The following PAK5 variants were observed in gnomAD, a reference collection of about 807,000 sequenced individuals.
PAK5 encodes serine/threonine-protein kinase PAK 5.
In PAK5, 16 loss-of-function variants were observed where a neutral mutation model predicts 65.9. The observed-to-expected ratio is 0.24, with a 90% CI of 0.16 to 0.37. PAK5 has a LOEUF of 0.37. PAK5 is among the 10% of genes least tolerant of loss of function. PAK5 has a pLI of 1.00. For missense variants in PAK5, 785 were observed against 903.9 expected (o/e 0.87, Z 1.69); for synonymous variants, 371 against 354.9 (o/e 1.05, Z -0.51).
intron 1 of PAK5, among the ~76,000 whole-genome samples, chr20:9,834,972 A>G (rs2123794686): frequency 6.6e-6 from 1 of 152,334 alleles, no homozygotes; most frequent in South Asian, 2.1e-4. Context: ...TTGCCAAAAA[A>G]ATATTTTGAC....
At chr20:9,615,900 G>GCAT (rs1371785652) in intron 3 of PAK5, among the ~76,000 whole-genome samples, 2 of 152,204 alleles carry the variant, frequency 1.3e-5, no homozygotes, top group Non-Finnish European at 2.9e-5. Context: ...GGCCTCTCCA[G>GCAT]CATGGAGTTT....
chr20:9,730,262 T>C (rs1380095654), intron 1 of PAK5, among the ~76,000 whole-genome samples: 1 of 152,018 alleles, frequency 6.6e-6, no homozygotes, highest in Non-Finnish European at 1.5e-5. Context: ...TAACATTTTA[T>C]ATCTCTAACA....
At chr20:9,818,694 C>A (rs529237733) in intron 1 of PAK5, 2 of 152,066 alleles carry the variant, frequency 1.3e-5, no homozygotes, top group East Asian at 3.9e-4. Flanking sequence ...TAATATTCCA[C>A]GGAAAACACT....
At chr20:9,721,413 C>T (rs925109174) in intron 1 of PAK5, among the ~76,000 whole-genome samples, 13 of 151,888 alleles carry the variant, frequency 8.6e-5, no homozygotes, top group African/African-American at 2.9e-4. Flanking sequence ...TTTGGTAGGC[C>T]GAGGTGGGCG....
At chr20:9,559,786 G>T (rs1031035338) in intron 6 of PAK5, among the ~76,000 whole-genome samples, 1 of 152,002 alleles carries the variant, frequency 6.6e-6, no homozygotes, top group Non-Finnish European at 1.5e-5. Context: ...AGCAAAAGAG[G>T]ATTCCACAGC....
chr20:9,766,388 GTATA>G lies in PAK5; in HGVS notation c.-161-54957_-161-54954del, dbSNP rs1171298089. ...ATATATATTCAAGCAGAATATATAT[GTATA>G]TATATATTCAAGCAGAATATATATG... On this transcript the variant is annotated intron_variant, in intron 1 of 9. Coordinates refer to ENST00000353224, the MANE Select transcript of PAK5 (RefSeq NM_177990.4). 3.6e-4 allele frequency among the ~76,000 whole-genome samples: 17 copies of G among 47,310 alleles called. 1 individual carries two copies. Among genetic ancestry groups the G allele is most frequent in the African/African-American group, 1.8e-3 (17 of 9,194 alleles). 31.0% of individuals were successfully genotyped at this position (47,310 alleles called of 152,430 possible).
chr20:9,730,410 T>G lies in PAK5; in HGVS notation c.-161-18975A>C, dbSNP rs1256916960. On this transcript the variant is annotated intron_variant, in intron 1 of 9. Transcript: ENST00000353224. ...CTATACTGCTATGTTTTCAGATAAA[T>G]TTTTAAAAAGTACACTTCTGTGGAA... Among the ~76,000 whole-genome samples the G allele has an allele frequency of 2.0e-5, 3 of 152,202 alleles. No individual in the cohort carries two copies. The East Asian group carries it at 5.8e-4, about 29-fold the overall frequency.
At chr20:9,812,437 C>T (rs1009771116) in intron 1 of PAK5, among the ~76,000 whole-genome samples, 1 of 152,024 alleles carries the variant, frequency 6.6e-6, no homozygotes, top group Non-Finnish European at 1.5e-5. Context: ...TGAGATATCA[C>T]CACTCCTATC....
intron 1 of PAK5, among the ~76,000 whole-genome samples, chr20:9,722,806 G>A (rs374848435): frequency 6.6e-6 from 1 of 150,882 alleles, no homozygotes; most frequent in Non-Finnish European, 1.5e-5. Context: ...GCGCCATCTC[G>A]ACTCATTGCA....
chr20:9,684,752 C>T (rs1330332318), intron 2 of PAK5, among the ~76,000 whole-genome samples: 1 of 152,184 alleles, frequency 6.6e-6, no homozygotes, highest in East Asian at 1.9e-4. Flanking sequence ...TTTTAAGCCT[C>T]TTAATAGCTT....
At chr20:9,566,634 T>G (rs529555554) in intron 4 of PAK5, among the ~76,000 whole-genome samples, 1 of 152,104 alleles carries the variant, frequency 6.6e-6, no homozygotes, top group Non-Finnish European at 1.5e-5. Context: ...CCTATTTTCT[T>G]GTTCAGTAAT....
At chr20:9,721,876 G>C (rs1018239103) in intron 1 of PAK5, among the ~76,000 whole-genome samples, 5 of 152,104 alleles carry the variant, frequency 3.3e-5, no homozygotes, top group Non-Finnish European at 7.4e-5. Context: ...AGAAGCAATA[G>C]ACTTTAATAT....
chr20:9,537,410 T>C lies in PAK5; in HGVS notation c.*2052A>G, dbSNP rs2045188172. 1.0e-5 allele frequency: 2 copies of C among 199,366 alleles called. No homozygotes were observed. The highest frequency in any genetic ancestry group is 1.2e-4 in the Admixed American group (2 of 16,490). The allele number at this position is 199,366 out of a possible 1,614,324, so 12.3% of individuals were successfully genotyped here. A position where few individuals can be genotyped will look rare whatever the true frequency, so the allele number is the denominator to read the frequency against. ...TGGGGAAAAGGCAAACATTTATTTTTATTTGCAAATGCAGTTTCTGCCAAT... is the reference window on the plus strand; with the variant it reads ...TGGGGAAAAGGCAAACATTTATTTTCATTTGCAAATGCAGTTTCTGCCAAT... On this transcript the variant is annotated 3_prime_UTR_variant, in exon 10 of 10. Transcript: ENST00000353224.
chr20:9,700,204 G>T (rs1337712512), intron 2 of PAK5, among the ~76,000 whole-genome samples: 1 of 152,092 alleles, frequency 6.6e-6, no homozygotes, highest in Non-Finnish European at 1.5e-5. Context: ...TTGAGCCCAG[G>T]AGTTTGAGAC....
intron 2 of PAK5, among the ~76,000 whole-genome samples, chr20:9,679,231 A>G (rs2047617107): frequency 6.6e-6 from 1 of 152,212 alleles, no homozygotes; most frequent in Admixed American, 6.5e-5. Flanking sequence ...ACAGTATATA[A>G]TACATACACC....
intron 3 of PAK5, among the ~76,000 whole-genome samples, chr20:9,620,500 G>C (rs893369062): frequency 1.3e-5 from 2 of 152,210 alleles, no homozygotes; most frequent in Non-Finnish European, 2.9e-5. Flanking sequence ...GACCAGCAAG[G>C]CTTGGGTGCT....
At chr20:9,804,450 G>C (rs2049207456) in intron 1 of PAK5, among the ~76,000 whole-genome samples, 1 of 152,104 alleles carries the variant, frequency 6.6e-6, no homozygotes, top group Non-Finnish European at 1.5e-5. Context: ...AAAGGTGCCA[G>C]GACAATACAT....
Position 9,565,753 on chromosome 20 carries a change from G to A in PAK5, c.1482+140C>T, listed in dbSNP as rs140362299. The A allele has an allele frequency of 5.5e-4, 467 of 855,474 alleles. 6 individuals are homozygous for A. Among genetic ancestry groups the A allele is most frequent in the South Asian group, 5.2e-3 (311 of 59,396 alleles). The allele number at this position is 855,474 out of a possible 1,614,324, so 53.0% of individuals were successfully genotyped here. On this transcript the variant is annotated intron_variant, in intron 5 of 9. Transcript: ENST00000353224. ...ATGTGCATAGAAAAAAGACTAGAAG[G>A]AAATATTACAGGGGACGCTATTTTT... is the stretch of plus-strand genomic sequence containing the variant.
chr20:9,750,066 A>G (rs1367614732), intron 1 of PAK5, among the ~76,000 whole-genome samples: 1 of 152,160 alleles, frequency 6.6e-6, no homozygotes, highest in Non-Finnish European at 1.5e-5. Flanking sequence ...AAATATTTTA[A>G]GTAAATAAAT....
Sources: gnomAD v4.1 joint callset for allele counts (sites outside exome capture counted in the v4.1 genomes callset) on GRCh38, gnomAD v4.1.1 for gene constraint, MANE v1.5 for transcripts, NCBI Gene and HGNC (gene_info 2026-07-23, HGNC 2026-07-21) for gene names.